Variants in RERE observed in about 807,000 individuals in gnomAD.
RERE encodes the protein arginine-glutamic acid dipeptide repeats protein.
Under a neutral mutation model 146.1 loss-of-function variants are expected in RERE, and 40 were observed. That is an observed-to-expected ratio of 0.27 (90% CI 0.21 to 0.36). The LOEUF is 0.36. RERE is among the 10% of genes least tolerant of loss of function. The pLI, the probability that RERE is intolerant of heterozygous loss-of-function variation, is 1.00. For missense variants in RERE, 1,933 were observed against 2,138.7 expected, an observed-to-expected ratio of 0.90 and a Z score of 1.90; for synonymous variants, 1,003 against 866.0, an observed-to-expected ratio of 1.16 and a Z score of -2.78.
chr1:8,387,855 T>C (rs1251986280), intron 12 of RERE, among the ~76,000 whole-genome samples: 2 of 152,266 alleles, frequency 1.3e-5, no homozygotes, highest in Non-Finnish European at 2.9e-5. Flanking sequence ...AATCTGCTTT[T>C]CTTGGTAAAA....
At chr1:8,370,150 G>C (rs1313505176) in intron 12 of RERE, among the ~76,000 whole-genome samples, 3 of 151,972 alleles carry the variant, frequency 2.0e-5, no homozygotes, top group Non-Finnish European at 4.4e-5. Context: ...CAGGAGAATG[G>C]ATAAACAAAT....
chr1:8,420,749 G>A (rs1643899210), intron 12 of RERE, among the ~76,000 whole-genome samples: 1 of 152,224 alleles, frequency 6.6e-6, no homozygotes, highest in Non-Finnish European at 1.5e-5. Context: ...TGCTAGAGAA[G>A]GGAGAAGAGC....
At chr1:8,559,079 C>G (rs1646040779) in intron 4 of RERE, among the ~76,000 whole-genome samples, 1 of 151,286 alleles carries the variant, frequency 6.6e-6, no homozygotes, top group Admixed American at 6.6e-5. Context: ...GGATTTCAAG[C>G]ATGAGCCACC....
chr1:8,544,891 T>A (rs552253013), intron 6 of RERE, among the ~76,000 whole-genome samples: 2 of 152,288 alleles, frequency 1.3e-5, no homozygotes, highest in East Asian at 3.9e-4. Flanking sequence ...CATAACCAGG[T>A]AAGGCCACCA....
intron 4 of RERE, among the ~76,000 whole-genome samples, chr1:8,593,904 G>A (rs1296052684): frequency 6.6e-6 from 1 of 152,162 alleles, no homozygotes; most frequent in Non-Finnish European, 1.5e-5. Context: ...CACCGGGGCA[G>A]ACAGGAGGAG....
chr1:8,423,470 A>C lies in RERE; in HGVS notation c.1204-663T>G. 4.4e-6 allele frequency: 4 copies of C among 909,928 alleles called. No homozygotes were observed. Among genetic ancestry groups the C allele is most frequent in the Non-Finnish European group, 5.3e-6 (4 of 761,328 alleles). The allele number at this position is 909,928 out of a possible 1,614,324, so 56.4% of individuals were successfully genotyped here. On this transcript the variant is annotated intron_variant, in intron 11 of 22. Transcript: ENST00000400908. This position sits in a 1 kb window ranked among gnomAD's most constrained non-coding sequence, Gnocchi z 5.4. ...CCATTTTCGCAGCAGACTCGTCCCT[A>C]ACCCCAGCCCGGAGACTTTCACTTT...
chr1:8,446,086 C>T (rs1214858703), intron 11 of RERE, among the ~76,000 whole-genome samples: 1 of 152,166 alleles, frequency 6.6e-6, no homozygotes, highest in African/African-American at 2.4e-5. Flanking sequence ...TCAGCATTTG[C>T]TTGTCTGTAA....
chr1:8,731,824 G>A (rs1244295347), intron 1 of RERE, among the ~76,000 whole-genome samples: 1 of 151,994 alleles, frequency 6.6e-6, no homozygotes, highest in Non-Finnish European at 1.5e-5. Flanking sequence ...GTTTTTTTGA[G>A]AAGAGTCTTG....
intron 4 of RERE, among the ~76,000 whole-genome samples, chr1:8,601,772 C>CACAA (rs1553119586): frequency 9.4e-5 from 13 of 138,994 alleles, no homozygotes; most frequent in African/African-American, 3.3e-4. Context: ...CACACACACA[C>CACAA]ACACAAACAC....
At chr1:8,372,790 A>AT (rs1044517358) in intron 12 of RERE, among the ~76,000 whole-genome samples, 1 of 152,166 alleles carries the variant, frequency 6.6e-6, no homozygotes, top group African/African-American at 2.4e-5. Flanking sequence ...TCTAAACCAG[A>AT]TCCCTGCAAC....
chr1:8,550,183 C>T (rs1448640412), intron 6 of RERE, among the ~76,000 whole-genome samples: 1 of 152,092 alleles, frequency 6.6e-6, no homozygotes, highest in East Asian at 1.9e-4. Flanking sequence ...CTAAAAATAG[C>T]TCCAAATAAA....
chr1:8,394,588 C>CTACT (rs1642988258), intron 12 of RERE, among the ~76,000 whole-genome samples: 1 of 152,138 alleles, frequency 6.6e-6, no homozygotes. Context: ...AAGAAAGGAG[C>CTACT]TACTGCAGAG....
intron 11 of RERE, among the ~76,000 whole-genome samples, chr1:8,448,462 AG>A (rs1183553586): frequency 1.3e-5 from 2 of 152,078 alleles, no homozygotes; most frequent in Admixed American, 6.6e-5. Flanking sequence ...GGGAATAAAA[AG>A]GGGGAAAAAA....
At chr1:8,806,413 C>T (rs1320689520) in intron 1 of RERE, among the ~76,000 whole-genome samples, 2 of 151,788 alleles carry the variant, frequency 1.3e-5, no homozygotes, top group African/African-American at 4.8e-5. Flanking sequence ...CGCCTGTAAC[C>T]CCAGCTCCTT....
chr1:8,446,703 C>T (rs953401927), intron 11 of RERE, among the ~76,000 whole-genome samples: 4 of 151,998 alleles, frequency 2.6e-5, no homozygotes, highest in African/African-American at 9.7e-5. Context: ...TTTTTAGAGT[C>T]TCGCTCTGTC....
chr1:8,548,435 A>G (rs895744098), intron 6 of RERE, among the ~76,000 whole-genome samples: 1 of 152,226 alleles, frequency 6.6e-6, no homozygotes, highest in Non-Finnish European at 1.5e-5. Context: ...ATGTATTACA[A>G]ATAAACAAAT....
chr1:8,361,996 G>C, intron 16 of RERE, 120 bp from the exon 17 acceptor site: 1 of 698,328 alleles, frequency 1.4e-6, no homozygotes, highest in Non-Finnish European at 2.4e-6. Flanking sequence ...ATCTCCAGGA[G>C]CAAAAAGCTC....
chr1:8,490,343 C>CAA (rs530925995), intron 10 of RERE, among the ~76,000 whole-genome samples: 77 of 75,364 alleles, frequency 1.0e-3, no homozygotes, highest in Non-Finnish European at 1.8e-3. Context: ...GGCAACATCT[C>CAA]AAAAAAAAAA....
chr1:8,373,455 G>GT (rs1642120741), intron 12 of RERE, among the ~76,000 whole-genome samples: 1 of 152,052 alleles, frequency 6.6e-6, no homozygotes, highest in African/African-American at 2.4e-5. Flanking sequence ...TTTAAGGTAT[G>GT]TTTTTTCAGG....
Sources: allele counts gnomAD v4.1 joint callset (sites outside exome capture counted in the v4.1 genomes callset), GRCh38; gene constraint gnomAD v4.1.1; non-coding constraint Gnocchi (gnomAD v3.1); transcripts MANE v1.5; gene names NCBI Gene and HGNC (gene_info 2026-07-23, HGNC 2026-07-21).